The following SARDH variants were observed in gnomAD, a reference collection of about 807,000 sequenced individuals.
SARDH encodes the protein sarcosine dehydrogenase, mitochondrial.
Under a neutral mutation model 109.1 loss-of-function variants are expected in SARDH, and 95 were observed. The ratio of observed to expected loss-of-function variants is 0.87; its 90% CI spans 0.74 to 1.03. The LOEUF is 1.03. Among genes scored for constraint, SARDH ranks in the 50% least tolerant of loss-of-function variants. The pLI, the probability that SARDH is intolerant of heterozygous loss-of-function variation, is 0.00. For synonymous variants in SARDH, 572 were observed against 534.8 expected (o/e 1.07, Z -0.96); for missense variants, 1,267 against 1,287.8 (o/e 0.98, Z 0.25).
Position 133,670,677 on chromosome 9 carries a change from A to C in SARDH, c.2402T>G (p.Leu801Arg). The C allele has an allele frequency of 1.2e-6, 2 of 1,607,314 alleles. No homozygotes were observed. The highest frequency in any genetic ancestry group is 8.5e-7 in the Non-Finnish European group (1 of 1,177,790). Residue 801 changes from leucine to arginine, a missense_variant, in exon 19 of 21, where the codon CTC (leucine) becomes CGC (arginine). Physicochemically the swap from Leu to Arg is moderately radical, Grantham distance 102. Coordinates refer to ENST00000439388, the MANE Select transcript of SARDH (RefSeq NM_001134707.2). ...LEAGLAFTCK[L>R]KSPVPFLGRE... ...CCCCAGGAAGGGCACCGGCGACTTG[A>C]GCTTGCAGGTGAAGGCCAGGCCTGC...
intron 19 of SARDH, 47 bp downstream of exon 19, chr9:133,670,537 C>A: frequency 6.5e-7 from 1 of 1,542,406 alleles, no homozygotes; most frequent in Non-Finnish European, 8.8e-7. Context: ...CCTGCCCTGG[C>A]TGTAGGCAGT....
At chr9:133,730,017 A>C (rs373497258) in intron 5 of SARDH, 47 bp downstream of exon 5, 3 of 1,610,480 alleles carry the variant, frequency 1.9e-6, no homozygotes, top group South Asian at 1.1e-5. Context: ...AGGTTTAGGG[A>C]GCAGCCAGCA....
At chr9:133,691,206 A>ACACACG (rs1554750442) in intron 15 of SARDH, among the ~76,000 whole-genome samples, 16 of 147,944 alleles carry the variant, frequency 1.1e-4, no homozygotes, top group African/African-American at 3.4e-4. Context: ...ACACACACAC[A>ACACACG]CACACACACG....
intron 16 of SARDH, among the ~76,000 whole-genome samples, chr9:133,688,392 C>T (rs1830964676): frequency 6.6e-6 from 1 of 151,798 alleles, no homozygotes; most frequent in South Asian, 2.1e-4. Context: ...GAGCCTCGCC[C>T]AGTCCATGGG....
chr9:133,691,169 A>AACACACACACACAC (rs3081171), intron 15 of SARDH, among the ~76,000 whole-genome samples: 31 of 112,134 alleles, frequency 2.8e-4, no homozygotes, highest in African/African-American at 8.7e-4. Flanking sequence ...CACCTCCCCC[A>AACACACACACACAC]ACACACACAC....
At chr9:133,672,052 C>T (rs1429521044) in intron 17 of SARDH, among the ~76,000 whole-genome samples, 1 of 152,190 alleles carries the variant, frequency 6.6e-6, no homozygotes, top group Non-Finnish European at 1.5e-5. Flanking sequence ...GTTCTGCAGG[C>T]TCAAAATCCA....
intron 6 of SARDH, among the ~76,000 whole-genome samples, chr9:133,727,704 T>TCC (rs1832539940): frequency 7.1e-6 from 1 of 141,024 alleles, no homozygotes; most frequent in African/African-American, 2.4e-5. Flanking sequence ...CTGGGGCTGA[T>TCC]GGCCCTTTTC....
Position 133,666,922 on chromosome 9 carries a change from C to T in SARDH, c.2496-52G>A, listed in dbSNP as rs373431817. 118 of 1,606,188 alleles carry T rather than the reference C, an allele frequency of 7.3e-5. No homozygotes were observed. The highest frequency in any genetic ancestry group is 1.3e-4 in the East Asian group (6 of 44,710). The stretch of plus-strand genomic sequence containing the variant: ...GGCCCCAGAAACCGCAGGGTGGGGA[C>T]GCGTCCACAGCGGCCTGGAGGAGAA... On this transcript the variant is annotated intron_variant, in intron 19 of 20. Coordinates refer to ENST00000439388, the MANE Select transcript of SARDH (RefSeq NM_001134707.2). This position sits in a 1 kb window ranked among gnomAD's most constrained non-coding sequence, Gnocchi z 5.2.
intron 6 of SARDH, among the ~76,000 whole-genome samples, chr9:133,726,555 C>T (rs1832499492): frequency 6.6e-6 from 1 of 152,054 alleles, no homozygotes; most frequent in Non-Finnish European, 1.5e-5. Flanking sequence ...CTGGACTTAC[C>T]TGCCCCTTGC....
chr9:133,709,340 G>A lies in SARDH; in HGVS notation c.1329-912C>T, dbSNP rs144724536. On this transcript the variant is annotated intron_variant, in intron 10 of 20. Coordinates refer to ENST00000439388, the MANE Select transcript of SARDH (RefSeq NM_001134707.2). The surrounding 1 kb of genome is among the most constrained non-coding windows in gnomAD (Gnocchi z 4.2). ...CCTGGTCTCCTCAGACCAGCCACCCGTCCCGAATCCGACAGTGCGGAACTG... is the reference window on the plus strand; with the variant it reads ...CCTGGTCTCCTCAGACCAGCCACCCATCCCGAATCCGACAGTGCGGAACTG... Among the ~76,000 whole-genome samples, 101 of 152,160 alleles carry A rather than the reference G, an allele frequency of 6.6e-4. No individual in the cohort carries two copies. Among genetic ancestry groups the A allele is most frequent in the African/African-American group, 2.1e-3 (87 of 41,512 alleles).
rs767736330 is a variant in SARDH at position 133,713,115 on chromosome 9, G to A, written c.1160C>T (p.Thr387Met). The change falls in exon 9 of 21, where the codon ACG becomes ATG. Residue 387 changes from threonine (T) to methionine (M), a missense_variant. By Grantham distance (81) the Thr-to-Met change is moderately conservative (BLOSUM62 -1). Transcript: ENST00000439388. Reference protein sequence around the residue: ...KSTVCGPESFTPDHKPLMGEA... With the variant: ...KSTVCGPESFMPDHKPLMGEA... Reference sequence around the variant, plus strand: ...CCCCATCAGGGGCTTGTGGTCGGGCGTGAAGGATTCTGAAAGAAGGAGAGA... The same window carrying A: ...CCCCATCAGGGGCTTGTGGTCGGGCATGAAGGATTCTGAAAGAAGGAGAGA... 17 of 1,613,000 alleles carry A rather than the reference G, an allele frequency of 1.1e-5. No homozygotes were observed. Among genetic ancestry groups the A allele is most frequent in the South Asian group, 2.2e-5 (2 of 90,878 alleles).
chr9:133,706,359 G>T (rs1414180873), intron 11 of SARDH, among the ~76,000 whole-genome samples: 1 of 152,184 alleles, frequency 6.6e-6, no homozygotes, highest in Non-Finnish European at 1.5e-5. Context: ...GACACAAAAG[G>T]TCATGTATTG....
intron 16 of SARDH, among the ~76,000 whole-genome samples, chr9:133,688,491 G>A (rs1447338105): frequency 6.6e-6 from 1 of 152,106 alleles, no homozygotes; most frequent in Non-Finnish European, 1.5e-5. Context: ...CTGGCCTGAG[G>A]CTCCTCACAG....
At chr9:133,687,087 G>A (rs1456190437) in intron 16 of SARDH, among the ~76,000 whole-genome samples, 2 of 152,114 alleles carry the variant, frequency 1.3e-5, no homozygotes, top group Non-Finnish European at 2.9e-5. Context: ...CTAGTCCCAG[G>A]CCCTGTACTT....
rs963017464 is a variant in SARDH at position 133,666,509 on chromosome 9, CCCTCCT to C, written c.2631+220_2631+225del. On this transcript the variant is annotated intron_variant, in intron 20 of 20. Coordinates refer to ENST00000439388, the MANE Select transcript of SARDH (RefSeq NM_001134707.2). This position sits in a 1 kb window ranked among gnomAD's most constrained non-coding sequence, Gnocchi z 5.2. ...CTCCTTCTCCCTCCCTCCTCCCTCT[CCCTCCT>C]CCTCCTCCTTCCTCTCTCCCCTTTT... 6.7e-6 allele frequency among the ~76,000 whole-genome samples: 1 copy of C among 149,048 alleles called. No homozygotes were observed. The highest frequency in any genetic ancestry group is 1.5e-5 in the Non-Finnish European group (1 of 67,176).
rs774319206 is a variant in SARDH, at chr9:133,715,641, G to A, written c.1150+1685C>T. On this transcript the variant is annotated intron_variant, in intron 8 of 20. Transcript: ENST00000439388. The stretch of plus-strand genomic sequence containing the variant: ...TCGGTGGCCACAGCCCTTCTGTGTC[G>A]GGACTCTTCCCTGTCTTTAGGGCCC... 1.7e-4 allele frequency among the ~76,000 whole-genome samples: 26 copies of A among 152,104 alleles called. No individual in the cohort carries two copies. In the East Asian group the frequency reaches 3.7e-3, roughly 21 times the overall value.
chr9:133,717,388 C>A lies in SARDH; in HGVS notation c.1088G>T (p.Gly363Val), dbSNP rs774130714. The A allele has an allele frequency of 2.5e-5, 40 of 1,614,020 alleles. No homozygotes were observed. The highest frequency in any genetic ancestry group is 5.0e-5 in the Admixed American group (3 of 60,004). Residue 363 changes from glycine to valine, a missense_variant, in exon 8 of 21, where the codon GGC becomes GTC. Physicochemically the swap from Gly to Val is moderately radical, Grantham distance 109 (BLOSUM62 -3). Transcript: ENST00000439388. ...CAGCACGGGGACCCTGTTGATGGCGCCTTCAATGTGCTGGGTGAACACCTC... is the reference window on the plus strand; with the variant it reads ...CAGCACGGGGACCCTGTTGATGGCGACTTCAATGTGCTGGGTGAACACCTC... ...DWEVFTQHIE[G>V]AINRVPVLEK...
chr9:133,731,910 A>C (rs1363446589), intron 3 of SARDH, among the ~76,000 whole-genome samples: 1 of 151,336 alleles, frequency 6.6e-6, no homozygotes, highest in East Asian at 1.9e-4. Context: ...CTGTCAAGAG[A>C]GGCCAAGATC....
chr9:133,664,898 T>G (rs129930), intron 20 of SARDH, among the ~76,000 whole-genome samples: 89,134 of 151,978 alleles, frequency 0.59, 26,743 homozygotes, highest in East Asian at 0.85. Flanking sequence ...TCCACGGGCA[T>G]GCACAACTCA....
Sources: allele counts gnomAD v4.1 joint callset (sites outside exome capture counted in the v4.1 genomes callset), GRCh38; gene constraint gnomAD v4.1.1; non-coding constraint Gnocchi (gnomAD v3.1); transcripts MANE v1.5; gene names NCBI Gene and HGNC (gene_info 2026-07-23, HGNC 2026-07-21).